TENM2: variants seen among roughly 807,000 people sequenced by gnomAD.
TENM2 encodes the protein teneurin transmembrane protein 2, also known as teneurin-2.
In TENM2, 52 loss-of-function variants were observed where a neutral mutation model predicts 245.2. The ratio of observed to expected loss-of-function variants is 0.21; its 90% CI spans 0.17 to 0.27. The LOEUF (loss-of-function observed/expected upper bound fraction) is 0.27, where lower values mean the gene tolerates loss of function less well. Ranked by LOEUF, TENM2 falls within the 10% of genes least tolerant of loss-of-function variation. The probability of loss-of-function intolerance (pLI) is 1.00; values close to 1 mark genes in which losing one functional copy is unlikely to be tolerated. For missense variants in TENM2, 3,046 were observed against 3,666.8 expected, an observed-to-expected ratio of 0.83 and a Z score of 4.37; for synonymous variants, 1,363 against 1,438.9, an observed-to-expected ratio of 0.95 and a Z score of 1.19.
chr5:168,237,553 G>T (rs552115433), intron 25 of TENM2, among the ~76,000 whole-genome samples: 17 of 152,080 alleles, frequency 1.1e-4, no homozygotes, highest in African/African-American at 4.1e-4. Flanking sequence ...TATGGTTTTG[G>T]TATGGCAAAG....
chr5:168,146,985 G>C (rs1042209674), intron 12 of TENM2, among the ~76,000 whole-genome samples: 1 of 152,194 alleles, frequency 6.6e-6, no homozygotes, highest in Non-Finnish European at 1.5e-5. Flanking sequence ...CTTGGTGATG[G>C]AGGACAATTC....
chr5:168,217,060 C>A (rs1211461669), intron 22 of TENM2, 138 bp downstream of exon 24: 2 of 915,740 alleles, frequency 2.2e-6, no homozygotes, highest in South Asian at 1.5e-5. Context: ...TTGGAGAAAG[C>A]CTGAGATGAG....
chr5:167,777,413 ATAAG>A (rs1362987102), intron 2 of TENM2, among the ~76,000 whole-genome samples: 2 of 152,260 alleles, frequency 1.3e-5, no homozygotes, highest in African/African-American at 4.8e-5. Flanking sequence ...TTTTTAATAA[ATAAG>A]TATTAGAAAT....
intron 2 of TENM2, among the ~76,000 whole-genome samples, chr5:167,591,082 C>T (rs912605206): frequency 6.6e-6 from 1 of 152,296 alleles, no homozygotes; most frequent in East Asian, 1.9e-4. Context: ...CAAGAGAGTT[C>T]TCATTGCTCT....
At chr5:167,997,670 TTAATG>T (rs1404662137) in intron 5 of TENM2, among the ~76,000 whole-genome samples, 1 of 152,210 alleles carries the variant, frequency 6.6e-6, no homozygotes, top group African/African-American at 2.4e-5. Flanking sequence ...GTTTTTTAGT[TTAATG>T]TAATTTTTAT....
chr5:167,778,340 G>A (rs1763951724), intron 2 of TENM2, among the ~76,000 whole-genome samples: 1 of 151,970 alleles, frequency 6.6e-6, no homozygotes, highest in Admixed American at 6.6e-5. Context: ...CTAATATGAA[G>A]ACCTTTCTTG....
intron 5 of TENM2, among the ~76,000 whole-genome samples, chr5:168,043,462 TTTG>T (rs750831270): frequency 3.3e-5 from 5 of 152,182 alleles, no homozygotes; most frequent in African/African-American, 1.2e-4. Flanking sequence ...AGTGCTGTTT[TTTG>T]TTGTTGTTCA....
intron 3 of TENM2, among the ~76,000 whole-genome samples, chr5:167,944,691 C>T (rs780251372): frequency 7.2e-5 from 11 of 152,190 alleles, no homozygotes; most frequent in East Asian, 1.9e-4. Context: ...GGGACTGGGC[C>T]GTGACTGCTG....
At position 167,948,311 on chromosome 5, in the gene TENM2, C is replaced by T. The variant is rs79354762; in HGVS notation, c.713-4277C>T. 5.9e-4 allele frequency among the ~76,000 whole-genome samples: 90 copies of T among 152,352 alleles called. 1 individual carries two copies. The highest frequency in any genetic ancestry group is 8.7e-4 in the African/African-American group (36 of 41,574). On this transcript the variant is annotated intron_variant, in intron 3 of 28. Coordinates refer to ENST00000518659, the Ensembl canonical transcript of TENM2. ...CCGGTAGGCATTTAGGAAGGACAGA[C>T]TATGTGACTGGCATCCCTCTCAAAA...
intron 14 of TENM2, among the ~76,000 whole-genome samples, chr5:168,193,217 C>A (rs1254271151): frequency 6.6e-6 from 1 of 152,168 alleles, no homozygotes; most frequent in Non-Finnish European, 1.5e-5. Flanking sequence ...AAATGTAACT[C>A]CAAGACATAG....
rs570015559 is a variant in TENM2 at position 168,206,506 on chromosome 5, T to C, written c.3824+1885T>C. On this transcript the variant is annotated intron_variant, in intron 19 of 28. Coordinates refer to ENST00000518659, the Ensembl canonical transcript of TENM2. Reference sequence around the variant, plus strand: ...GAGCTGAAGGGCCAAAGGCCAACCATTATGGAGATCCAGAGACAGGCCTGG... The same window carrying C: ...GAGCTGAAGGGCCAAAGGCCAACCACTATGGAGATCCAGAGACAGGCCTGG... Among the ~76,000 whole-genome samples, 4 of 152,160 alleles carry C rather than the reference T, an allele frequency of 2.6e-5. No homozygotes were observed. The South Asian group carries it at 8.3e-4, about 32-fold the overall frequency.
intron 2 of TENM2, among the ~76,000 whole-genome samples, chr5:167,626,172 T>C (rs994742341): frequency 7.9e-5 from 12 of 152,106 alleles, no homozygotes; most frequent in African/African-American, 2.4e-4. Context: ...ACACCATATT[T>C]CTGTAATGGC....
chr5:167,132,101 G>A, the TENM2 span, among the ~76,000 whole-genome samples: 9 of 152,192 alleles, frequency 5.9e-5, no homozygotes, highest in African/African-American at 2.2e-4. Flanking sequence ...GATTACAGGT[G>A]TGAGCCACCA....
chr5:168,242,746 A>T (rs1766209402), intron 25 of TENM2, among the ~76,000 whole-genome samples: 1 of 152,204 alleles, frequency 6.6e-6, no homozygotes, highest in Non-Finnish European at 1.5e-5. Context: ...TGAGGTCAGG[A>T]GTTCGAGACC....
chr5:167,353,664 C>A (rs1348775943), intron 1 of TENM2, among the ~76,000 whole-genome samples: 8 of 151,450 alleles, frequency 5.3e-5, no homozygotes, highest in Non-Finnish European at 1.0e-4. Flanking sequence ...CCCGCCACTA[C>A]GCCCGGCTAA....
chr5:167,142,875 T>A, the TENM2 span, among the ~76,000 whole-genome samples: 1 of 151,280 alleles, frequency 6.6e-6, no homozygotes, highest in Non-Finnish European at 1.5e-5. Flanking sequence ...AGCCAGCGAA[T>A]CTGAGTGGCC....
At chr5:167,212,409 T>C in the TENM2 span, among the ~76,000 whole-genome samples, 2 of 152,188 alleles carry the variant, frequency 1.3e-5, no homozygotes, top group African/African-American at 2.4e-5. Context: ...GATGGGCCCA[T>C]AGAAAATCTA....
At chr5:167,445,905 TTTC>T (rs1765180728) in intron 2 of TENM2, among the ~76,000 whole-genome samples, 1 of 152,096 alleles carries the variant, frequency 6.6e-6, no homozygotes. Context: ...TCTGGCCTGG[TTTC>T]TTCTTGGTGC....
At chr5:168,152,981 A>G (rs1197672942) in intron 12 of TENM2, among the ~76,000 whole-genome samples, 1 of 152,172 alleles carries the variant, frequency 6.6e-6, no homozygotes, top group Non-Finnish European at 1.5e-5. Flanking sequence ...TTTTCCTTTT[A>G]CCTGGCTGTT....
Sources: allele counts gnomAD v4.1 joint callset (sites outside exome capture counted in the v4.1 genomes callset), GRCh38; gene constraint gnomAD v4.1.1; transcripts MANE v1.5; gene names NCBI Gene and HGNC (gene_info 2026-07-23, HGNC 2026-07-21).